Variants in TAF3 observed in about 807,000 individuals in gnomAD.
TAF3 encodes TATA-box binding protein associated factor 3, also known as transcription initiation factor TFIID subunit 3.
A neutral mutation model predicts 80.6 loss-of-function variants in TAF3; 7 were observed. The observed-to-expected ratio is 0.09, with a 90% confidence interval of 0.05 to 0.16. The LOEUF (loss-of-function observed/expected upper bound fraction) is 0.16. TAF3 is among the 10% of genes least tolerant of loss of function. The probability of loss-of-function intolerance (pLI) is 1.00; values close to 1 mark genes in which losing one functional copy is unlikely to be tolerated. For synonymous variants in TAF3, 444 were observed against 446.1 expected (o/e 1.00, Z 0.06); for missense variants, 921 against 1,140.2 (o/e 0.81, Z 2.77).
intron 2 of TAF3, among the ~76,000 whole-genome samples, chr10:7,856,851 TG>T (rs1257616020): frequency 1.7e-5 from 2 of 117,222 alleles, no homozygotes; most frequent in Non-Finnish European, 3.4e-5. Flanking sequence ...GTTTAACAGC[TG>T]GTTCTCAAAA....
chr10:7,910,370 AATTTT>A (rs1276646419), intron 2 of TAF3, among the ~76,000 whole-genome samples: 1 of 152,024 alleles, frequency 6.6e-6, no homozygotes, highest in African/African-American at 2.4e-5. Flanking sequence ...CTACTTTATA[AATTTT>A]ATTTTATTTT....
intron 2 of TAF3, among the ~76,000 whole-genome samples, chr10:7,876,013 C>T (rs1450485803): frequency 6.6e-6 from 1 of 151,316 alleles, no homozygotes; most frequent in Non-Finnish European, 1.5e-5. Flanking sequence ...TTTTATCATA[C>T]TATTAAACTT....
chr10:7,840,068 G>A (rs1026653392), intron 2 of TAF3, among the ~76,000 whole-genome samples: 9 of 151,896 alleles, frequency 5.9e-5, no homozygotes, highest in African/African-American at 2.2e-4. Context: ...GGATGGGGGA[G>A]TATTTAAGGG....
rs372368199 is a variant in TAF3 at position 8,014,780 on chromosome 10, G to A, written c.*29G>A. 6.5e-7 allele frequency: 1 copy of A among 1,547,960 alleles called. No individual in the cohort carries two copies. On this transcript the variant is annotated 3_prime_UTR_variant, in exon 7 of 7. Transcript: ENST00000344293. ...CTCCCGAGGGGCTGGACCAAGCGGG[G>A]TCAGCCCGGGCTTCTTCCCTGGCGC...
intron 2 of TAF3, among the ~76,000 whole-genome samples, chr10:7,899,008 A>AT (rs1837533356): frequency 6.6e-6 from 1 of 152,090 alleles, no homozygotes; most frequent in Non-Finnish European, 1.5e-5. Context: ...GTCAGTTCCC[A>AT]TAGGTTTTTT....
At chr10:8,006,511 T>C (rs947681443) in intron 4 of TAF3, among the ~76,000 whole-genome samples, 12 of 152,216 alleles carry the variant, frequency 7.9e-5, no homozygotes, top group Non-Finnish European at 1.2e-4. Context: ...GGTTATGATG[T>C]TAAGCATTTA....
chr10:7,905,886 A>C (rs1047132022), intron 2 of TAF3, among the ~76,000 whole-genome samples: 6 of 152,182 alleles, frequency 3.9e-5, no homozygotes, highest in Non-Finnish European at 7.3e-5. Flanking sequence ...CTGTCTAAAA[A>C]AAAAAAAATT....
intron 2 of TAF3, among the ~76,000 whole-genome samples, chr10:7,864,592 G>A (rs961606801): frequency 2.0e-5 from 3 of 148,260 alleles, no homozygotes; most frequent in African/African-American, 5.0e-5. Flanking sequence ...GTGTAGACTC[G>A]TGTTTTCATT....
intron 3 of TAF3, among the ~76,000 whole-genome samples, chr10:7,975,523 A>T (rs1037462321): frequency 2.6e-5 from 4 of 152,196 alleles, no homozygotes; most frequent in African/African-American, 9.6e-5. Context: ...GTTCTTTGGC[A>T]TCACTCGGTG....
intron 2 of TAF3, among the ~76,000 whole-genome samples, chr10:7,931,475 C>T (rs542019131): frequency 2.6e-5 from 4 of 152,250 alleles, no homozygotes; most frequent in East Asian, 3.9e-4. Flanking sequence ...CATTGCATCT[C>T]GGGGAATTTC....
chr10:8,003,871 C>T (rs190362215), intron 4 of TAF3, among the ~76,000 whole-genome samples: 10 of 151,808 alleles, frequency 6.6e-5, no homozygotes, highest in African/African-American at 1.5e-4. Flanking sequence ...CAGAGCAAGA[C>T]GCCATTATCA....
chr10:7,984,786 A>G (rs1831760892), intron 4 of TAF3, among the ~76,000 whole-genome samples: 1 of 152,188 alleles, frequency 6.6e-6, no homozygotes, highest in Non-Finnish European at 1.5e-5. Context: ...CAGAATTTAA[A>G]TGTTCCTTAA....
chr10:7,863,626 A>AAATATATAT (rs1218836662), intron 2 of TAF3, among the ~76,000 whole-genome samples: 581 of 48,086 alleles, frequency 0.012, 97 homozygotes, highest in East Asian at 0.031. Context: ...AAAAAAAAAA[A>AAATATATAT]ATATATATAT....
At chr10:7,974,732 G>A (rs1323325410) in intron 3 of TAF3, among the ~76,000 whole-genome samples, 1 of 152,124 alleles carries the variant, frequency 6.6e-6, no homozygotes, top group East Asian at 1.9e-4. Flanking sequence ...GTTAGCTAGA[G>A]GTTGAAGAGA....
At chr10:7,991,787 A>AG in intron 4 of TAF3, among the ~76,000 whole-genome samples, 1 of 152,316 alleles carries the variant, frequency 6.6e-6, no homozygotes, top group East Asian at 1.9e-4. Context: ...AAGACCTAGC[A>AG]GCTTTTTTGA....
At chr10:7,922,598 G>C (rs1837774992) in intron 2 of TAF3, among the ~76,000 whole-genome samples, 1 of 151,992 alleles carries the variant, frequency 6.6e-6, no homozygotes, top group African/African-American at 2.4e-5. Context: ...TGACTGCCTG[G>C]TGACTGAGAC....
At chr10:7,821,657 A>G (rs1349031064) in intron 1 of TAF3, among the ~76,000 whole-genome samples, 2 of 152,360 alleles carry the variant, frequency 1.3e-5, no homozygotes, top group African/African-American at 4.8e-5. Context: ...TGTCGGTGTC[A>G]CATTATATGT....
At chr10:7,990,463 G>A (rs947460498) in intron 4 of TAF3, among the ~76,000 whole-genome samples, 6 of 152,154 alleles carry the variant, frequency 3.9e-5, no homozygotes, top group Non-Finnish European at 8.8e-5. Context: ...TTCAAAGTAC[G>A]TGGTCAGGGT....
intron 2 of TAF3, among the ~76,000 whole-genome samples, chr10:7,914,042 GTCCTC>G (rs1232013628): frequency 1.3e-5 from 2 of 152,280 alleles, no homozygotes; most frequent in East Asian, 3.9e-4. Flanking sequence ...TTGCAATGTG[GTCCTC>G]TTTTAGATAC....
Sources: gnomAD v4.1 joint callset for allele counts (sites outside exome capture counted in the v4.1 genomes callset) on GRCh38, gnomAD v4.1.1 for gene constraint, MANE v1.5 for transcripts, NCBI Gene and HGNC (gene_info 2026-07-23, HGNC 2026-07-21) for gene names.